The following KCTD16 variants were observed in gnomAD, a reference collection of about 807,000 sequenced individuals.
The protein encoded by KCTD16 is potassium channel tetramerization domain containing 16.
KCTD16 carries 13 observed loss-of-function variants against 33.2 expected under a neutral mutation model. That is an observed-to-expected ratio of 0.39 (90% confidence interval 0.25 to 0.62). KCTD16 has a LOEUF of 0.62. Among genes scored for constraint, KCTD16 ranks in the 20% least tolerant of loss-of-function variants. The pLI is 0.50. For missense variants in KCTD16, 441 were observed against 525.1 expected (o/e 0.84, Z 1.57); for synonymous variants, 197 against 195.3 (o/e 1.01, Z -0.07).
chr5:144,401,149 C>T (rs1040552336), intron 3 of KCTD16, among the ~76,000 whole-genome samples: 10 of 152,144 alleles, frequency 6.6e-5, no homozygotes, highest in African/African-American at 2.4e-4. Flanking sequence ...AGCTCTGATA[C>T]GTGTGCTGAC....
chr5:144,318,543 T>C (rs1449819462), intron 3 of KCTD16, among the ~76,000 whole-genome samples: 1 of 152,238 alleles, frequency 6.6e-6, no homozygotes, highest in Non-Finnish European at 1.5e-5. Context: ...ATTACTTTGC[T>C]ACTTGCAGAT....
At chr5:144,440,670 G>GAAAA (rs113323992) in intron 3 of KCTD16, among the ~76,000 whole-genome samples, 1 of 143,132 alleles carries the variant, frequency 7.0e-6, no homozygotes. Context: ...TATCTCTACT[G>GAAAA]AAAAAAAAAA....
chr5:144,250,605 T>C (rs1754671520), intron 3 of KCTD16, among the ~76,000 whole-genome samples: 2 of 152,216 alleles, frequency 1.3e-5, no homozygotes, highest in South Asian at 4.1e-4. Context: ...ATAACTATAG[T>C]GCAAATTAGG....
At chr5:144,299,102 A>ATTTTTG (rs1756143686) in intron 3 of KCTD16, among the ~76,000 whole-genome samples, 1 of 8,216 alleles carries the variant, frequency 1.2e-4, no homozygotes, top group Non-Finnish European at 2.7e-4. Context: ...CTATGTATAT[A>ATTTTTG]TATATATATA....
chr5:144,406,185 A>G (rs1752805409), intron 3 of KCTD16, among the ~76,000 whole-genome samples: 1 of 152,182 alleles, frequency 6.6e-6, no homozygotes, highest in South Asian at 2.1e-4. Flanking sequence ...TTTCAGCCTA[A>G]TGAAAGGCAG....
chr5:144,446,622 C>A (rs1753822982), intron 3 of KCTD16, among the ~76,000 whole-genome samples: 1 of 152,056 alleles, frequency 6.6e-6, no homozygotes, highest in East Asian at 1.9e-4. Context: ...AACAGGCAAC[C>A]TACAGAATGG....
At chr5:144,307,923 A>T (rs1311471511) in intron 3 of KCTD16, among the ~76,000 whole-genome samples, 1 of 152,198 alleles carries the variant, frequency 6.6e-6, no homozygotes, top group African/African-American at 2.4e-5. Flanking sequence ...GCCGTGTGGT[A>T]GCTGAACAAA....
intron 3 of KCTD16, among the ~76,000 whole-genome samples, chr5:144,372,424 G>A (rs1016226473): frequency 6.6e-6 from 1 of 152,158 alleles, no homozygotes; most frequent in Non-Finnish European, 1.5e-5. Context: ...AAACATACAC[G>A]GAAGATAGTG....
chr5:144,432,486 T>G (rs1008001501), intron 3 of KCTD16, among the ~76,000 whole-genome samples: 1 of 152,290 alleles, frequency 6.6e-6, no homozygotes, highest in East Asian at 1.9e-4. Context: ...CAAGCACACA[T>G]ATGTTATCAG....
At chr5:144,182,441 A>T (rs1003989175) in intron 2 of KCTD16, among the ~76,000 whole-genome samples, 1 of 152,242 alleles carries the variant, frequency 6.6e-6, no homozygotes, top group Non-Finnish European at 1.5e-5. Flanking sequence ...TAAATATACA[A>T]AAGCAGAATA....
At chr5:144,388,723 A>G (rs949411971) in intron 3 of KCTD16, among the ~76,000 whole-genome samples, 5 of 152,238 alleles carry the variant, frequency 3.3e-5, no homozygotes, top group Admixed American at 2.6e-4. Context: ...TCTTTGTCTT[A>G]GCCATGCTGA....
In KCTD16 at chr5:144,484,564, C is replaced by G. The variant is rs1471503223; in HGVS notation, c.*10450C>G. On this transcript the variant is annotated 3_prime_UTR_variant, in exon 4 of 4. Transcript: ENST00000512467. ...TTTTAAAGTTAAAGACCCTGTTGAT[C>G]AGGTTACCTGGAAATTTCAAGTGCA... The G allele has an allele frequency of 1.3e-5, 2 of 151,944 alleles. No individual in the cohort carries two copies. Among genetic ancestry groups the G allele is most frequent in the African/African-American group, 4.8e-5 (2 of 41,416 alleles). 9.4% of individuals were successfully genotyped at this position (151,944 alleles called of 1,614,324 possible). A position where few individuals can be genotyped will look rare whatever the true frequency, so the allele number is the denominator to read the frequency against.
rs1754717938 is a variant in KCTD16, at chr5:144,482,230, T to C, written c.*8116T>C. 6.6e-6 allele frequency: 1 copy of C among 151,944 alleles called. No homozygotes were observed. The highest frequency in any genetic ancestry group is 2.4e-5 in the African/African-American group (1 of 41,404). 9.4% of individuals were successfully genotyped at this position (151,944 alleles called of 1,614,324 possible). A position where few individuals can be genotyped will look rare whatever the true frequency, so the allele number is the denominator to read the frequency against. On this transcript the variant is annotated 3_prime_UTR_variant, in exon 4 of 4. Transcript: ENST00000512467. ...AAAAGTCATCAGTTTTTTTTGTTTG[T>C]TTGTGACTTGTATCTGCCTAGGAGG...
At chr5:144,271,943 G>T (rs2126847569) in intron 3 of KCTD16, among the ~76,000 whole-genome samples, 1 of 151,884 alleles carries the variant, frequency 6.6e-6, no homozygotes, top group East Asian at 1.9e-4. Flanking sequence ...AAATACATAG[G>T]AATCAACGTA....
chr5:144,322,505 A>AG (rs1752097406), intron 3 of KCTD16, among the ~76,000 whole-genome samples: 1 of 149,478 alleles, frequency 6.7e-6, no homozygotes, highest in African/African-American at 2.6e-5. Flanking sequence ...CCATCACAGA[A>AG]AAAACAAACA....
At position 144,410,540 on chromosome 5, in the gene KCTD16, C is replaced by A. The variant is rs554144917; in HGVS notation, c.833-63120C>A. 3.9e-4 allele frequency among the ~76,000 whole-genome samples: 59 copies of A among 152,148 alleles called. No individual in the cohort carries two copies. The Middle Eastern group carries it at 0.014, about 35-fold the overall frequency. Reference sequence around the variant, plus strand: ...CTAGATTGTACAGTGGATTTTCAAACGTGCCAAGTTCCAATAACAATCTTA... The same window carrying A: ...CTAGATTGTACAGTGGATTTTCAAAAGTGCCAAGTTCCAATAACAATCTTA... On this transcript the variant is annotated intron_variant, in intron 3 of 3. Coordinates refer to ENST00000512467, the MANE Select transcript of KCTD16 (RefSeq NM_020768.4).
chr5:144,428,103 T>C (rs1451687060), intron 3 of KCTD16, among the ~76,000 whole-genome samples: 1 of 152,176 alleles, frequency 6.6e-6, no homozygotes, highest in African/African-American at 2.4e-5. Flanking sequence ...CTCCCTTTGT[T>C]ACACCCCATA....
chr5:144,341,936 G>A (rs1478118283), intron 3 of KCTD16, among the ~76,000 whole-genome samples: 2 of 152,114 alleles, frequency 1.3e-5, no homozygotes, highest in African/African-American at 4.8e-5. Flanking sequence ...TTGTATGTAA[G>A]CCATTTCATG....
In KCTD16 at chr5:144,481,449, G is replaced by C. The variant is rs1754702056; in HGVS notation, c.*7335G>C. 1 of 151,846 alleles carries C rather than the reference G, an allele frequency of 6.6e-6. No individual in the cohort carries two copies. Among genetic ancestry groups the C allele is most frequent in the African/African-American group, 2.4e-5 (1 of 41,372 alleles). The allele number at this position is 151,846 out of a possible 1,614,324, so 9.4% of individuals were successfully genotyped here. A position where few individuals can be genotyped will look rare whatever the true frequency, so the allele number is the denominator to read the frequency against. On this transcript the variant is annotated 3_prime_UTR_variant, in exon 4 of 4. Transcript: ENST00000512467. ...CTCCCAAGTCCTTGTTTCCAAACAT[G>C]TGACAAGTCTAAGCACAAGTCCTTG...
Sources: allele counts gnomAD v4.1 joint callset (sites outside exome capture counted in the v4.1 genomes callset), GRCh38; gene constraint gnomAD v4.1.1; transcripts MANE v1.5; gene names NCBI Gene and HGNC (gene_info 2026-07-23, HGNC 2026-07-21).